The following ERC1 variants were observed in gnomAD, a reference collection of about 807,000 sequenced individuals.
ERC1 encodes the protein ELKS/RAB6-interacting/CAST family member 1.
A neutral mutation model predicts 132.0 loss-of-function variants in ERC1; 56 were observed. The observed-to-expected ratio is 0.42, with a 90% CI of 0.34 to 0.53. ERC1 has a LOEUF of 0.53. Among genes scored for constraint, ERC1 ranks in the 20% least tolerant of loss-of-function variants. ERC1 has a pLI of 0.03. For synonymous variants in ERC1, 478 were observed against 476.1 expected (o/e 1.00, Z -0.05); for missense variants, 1,202 against 1,349.9 (o/e 0.89, Z 1.72).
intron 12 of ERC1, among the ~76,000 whole-genome samples, chr12:1,196,824 C>CTGTCTG (rs1956289149): frequency 8.3e-6 from 1 of 120,040 alleles, no homozygotes; most frequent in Non-Finnish European, 1.7e-5. Context: ...CTCTCTCTCT[C>CTGTCTG]TCTCTCTGTC....
At chr12:1,287,071 A>G (rs111420810) in intron 14 of ERC1, among the ~76,000 whole-genome samples, 59 of 152,322 alleles carry the variant, frequency 3.9e-4, no homozygotes, top group African/African-American at 1.4e-3. Context: ...TTGGTACAGG[A>G]CTAGGCAAAA....
At chr12:1,165,966 A>T (rs1229538181) in intron 8 of ERC1, among the ~76,000 whole-genome samples, 2 of 152,198 alleles carry the variant, frequency 1.3e-5, no homozygotes, top group Non-Finnish European at 2.9e-5. Flanking sequence ...ATCCTCTGAC[A>T]ACCAGTAACC....
intron 15 of ERC1, among the ~76,000 whole-genome samples, chr12:1,351,175 G>A (rs1226638057): frequency 1.3e-5 from 2 of 152,178 alleles, no homozygotes; most frequent in African/African-American, 4.8e-5. Flanking sequence ...TTTGTGTGCT[G>A]TGTTTATCCA....
At chr12:1,360,013 T>G (rs767888594) in intron 15 of ERC1, among the ~76,000 whole-genome samples, 1 of 152,196 alleles carries the variant, frequency 6.6e-6, no homozygotes, top group Non-Finnish European at 1.5e-5. Flanking sequence ...TTAAAAATTT[T>G]TAGTGGATTT....
chr12:1,482,440 TG>T (rs1303079634), intron 18 of ERC1, among the ~76,000 whole-genome samples: 1 of 152,112 alleles, frequency 6.6e-6, no homozygotes, highest in Non-Finnish European at 1.5e-5. Flanking sequence ...AGAGTTTTTT[TG>T]TTTGTGTTTT....
At chr12:1,000,988 G>A (rs552202859) in intron 1 of ERC1, among the ~76,000 whole-genome samples, 2 of 152,024 alleles carry the variant, frequency 1.3e-5, no homozygotes, top group Admixed American at 6.6e-5. Context: ...TCGTCTCACG[G>A]CACCTCCCAG....
chr12:1,015,692 G>A (rs993581558), intron 1 of ERC1, among the ~76,000 whole-genome samples: 1 of 152,100 alleles, frequency 6.6e-6, no homozygotes, highest in Non-Finnish European at 1.5e-5. Context: ...TTTTCACAGG[G>A]AGCCTAGGAT....
intron 15 of ERC1, among the ~76,000 whole-genome samples, chr12:1,359,917 T>A (rs1311041539): frequency 6.6e-6 from 1 of 151,440 alleles, no homozygotes; most frequent in Non-Finnish European, 1.5e-5. Context: ...TATATACAAT[T>A]TGATAGTTAA....
chr12:1,443,162 G>A (rs2093207199), intron 17 of ERC1: 1 of 152,070 alleles, frequency 6.6e-6, no homozygotes. Flanking sequence ...GCCTCCCAAA[G>A]TGCTGGTATT....
rs1164991793 is a variant in ERC1, at chr12:1,362,445, T to A, written c.2781-9388T>A. 4.0e-5 allele frequency among the ~76,000 whole-genome samples: 6 copies of A among 151,866 alleles called. 1 individual carries two copies. The highest frequency in any genetic ancestry group is 1.5e-4 in the African/African-American group (6 of 41,212). ...ATCTTCAGAGCTCTGTCTCTCTCTC[T>A]CTGTCTCTCTCTCTCTCTCTCTCTG... is the stretch of plus-strand genomic sequence containing the variant. On this transcript the variant is annotated intron_variant, in intron 15 of 18. Coordinates refer to ENST00000360905, the MANE Select transcript of ERC1 (RefSeq NM_178040.4).
At chr12:1,081,393 A>C (rs1942174824) in intron 2 of ERC1, among the ~76,000 whole-genome samples, 1 of 152,208 alleles carries the variant, frequency 6.6e-6, no homozygotes, top group Non-Finnish European at 1.5e-5. Flanking sequence ...TTCTAACTTA[A>C]AAAAACTTTG....
chr12:1,436,547 G>A (rs1023711349), intron 17 of ERC1, among the ~76,000 whole-genome samples: 7 of 152,140 alleles, frequency 4.6e-5, no homozygotes, highest in African/African-American at 1.4e-4. Flanking sequence ...TGATTATGAG[G>A]TTATTATACT....
rs960689468 is a variant in ERC1 at position 1,290,040 on chromosome 12, G to C, written c.2780+28G>C. 3 of 1,598,772 alleles carry C rather than the reference G, an allele frequency of 1.9e-6. No homozygotes were observed. In the Admixed American group the frequency reaches 5.0e-5, roughly 27 times the overall value. Reference sequence around the variant, plus strand: ...AAGTGTTTGTAGTCTTATTCTTCAAGCATATGCTTAGTGGAAATACTTTTT... The same window carrying C: ...AAGTGTTTGTAGTCTTATTCTTCAACCATATGCTTAGTGGAAATACTTTTT... On this transcript the variant is annotated intron_variant, in intron 15 of 18. Transcript: ENST00000360905.
intron 8 of ERC1, among the ~76,000 whole-genome samples, chr12:1,171,732 T>C (rs963433616): frequency 3.9e-5 from 6 of 152,260 alleles, no homozygotes; most frequent in South Asian, 2.1e-4. Context: ...GCAAGAAGTG[T>C]TTTGAGCTGT....
At chr12:1,277,995 A>G (rs541813438) in intron 14 of ERC1, among the ~76,000 whole-genome samples, 2 of 152,334 alleles carry the variant, frequency 1.3e-5, no homozygotes, top group African/African-American at 2.4e-5. Context: ...TCTGCTGTCA[A>G]GGAGTTTGAA....
intron 15 of ERC1, among the ~76,000 whole-genome samples, chr12:1,344,643 TTCTTTC>T (rs1229740727): frequency 3.3e-5 from 5 of 152,230 alleles, no homozygotes; most frequent in African/African-American, 1.2e-4. Flanking sequence ...ATTCCACTTT[TTCTTTC>T]TCTTTCTGTT....
intron 14 of ERC1, among the ~76,000 whole-genome samples, chr12:1,264,827 G>A (rs1279826743): frequency 1.3e-5 from 2 of 152,110 alleles, no homozygotes; most frequent in Non-Finnish European, 2.9e-5. Flanking sequence ...GGAACCCCTT[G>A]GTCAGACCAA....
chr12:1,359,560 AAGG>A (rs2085879619), intron 15 of ERC1, among the ~76,000 whole-genome samples: 1 of 152,124 alleles, frequency 6.6e-6, no homozygotes, highest in Non-Finnish European at 1.5e-5. Flanking sequence ...AGGCAGGTAA[AAGG>A]AGGCCACACC....
chr12:1,081,070 C>T (rs1018534837), intron 2 of ERC1, among the ~76,000 whole-genome samples: 3 of 152,140 alleles, frequency 2.0e-5, no homozygotes, highest in Admixed American at 1.3e-4. Context: ...AACTGAAACT[C>T]ATGTTTTCTC....
Sources: gnomAD v4.1 joint callset for allele counts (sites outside exome capture counted in the v4.1 genomes callset) on GRCh38, gnomAD v4.1.1 for gene constraint, MANE v1.5 for transcripts, NCBI Gene and HGNC (gene_info 2026-07-23, HGNC 2026-07-21) for gene names.